RUFY4: variants seen among roughly 807,000 people sequenced by gnomAD.
RUFY4 encodes RUN and FYVE domain-containing protein 4.
In RUFY4, 73 loss-of-function variants were observed where a neutral mutation model predicts 69.0. That is an observed-to-expected ratio of 1.06 (90% CI 0.88 to 1.29). RUFY4 has a LOEUF of 1.29. Ranked by LOEUF, RUFY4 falls within the 50% of genes most tolerant of loss-of-function variation. The pLI is 0.00. For synonymous variants in RUFY4, 287 were observed against 271.8 expected (o/e 1.06, Z -0.55); for missense variants, 770 against 705.6 (o/e 1.09, Z -1.03).
chr2:218,084,920 C>T (rs1195627817), intron 9 of RUFY4, among the ~76,000 whole-genome samples: 1 of 152,030 alleles, frequency 6.6e-6, no homozygotes, highest in African/African-American at 2.4e-5. Context: ...TGTTAGCGGG[C>T]ACCTGTAATC....
At chr2:218,080,984 C>G (rs1689748371) in intron 8 of RUFY4, among the ~76,000 whole-genome samples, 1 of 152,246 alleles carries the variant, frequency 6.6e-6, no homozygotes, top group Admixed American at 6.5e-5. Flanking sequence ...ATTATATTAT[C>G]TGTCTCCTAA....
At chr2:218,089,641 A>C in intron 10 of RUFY4, 2 of 700,574 alleles carry the variant, frequency 2.9e-6, no homozygotes, top group Non-Finnish European at 5.2e-6. Flanking sequence ...GGAAGGGAGC[A>C]TCTGTACAGC....
At chr2:218,075,606 G>C in exon 7 of RUFY4, 1 of 1,523,896 alleles carries the variant, frequency 6.6e-7, no homozygotes, top group Non-Finnish European at 8.8e-7. Flanking sequence ...TAGCATCCTG[G>C]GGGAGCCCTG....
At chr2:218,060,526 G>A (rs1300136028) in intron 3 of RUFY4, 3 of 1,288,612 alleles carry the variant, frequency 2.3e-6, no homozygotes, top group Non-Finnish European at 3.4e-6. Flanking sequence ...CAGAATCTCA[G>A]TGGCATCCAG....
chr2:218,060,356 T>A lies in RUFY4; in HGVS notation c.-1071+1675T>A, dbSNP rs147586635. On this transcript the variant is annotated intron_variant and NMD_transcript_variant, in intron 3 of 13. Coordinates refer to the RUFY4 transcript ENST00000457754. ...AAGAGGTCTTAGAGAGTAGTGGAAG[T>A]GTGCCCTGAAGAAGAGCCAACAAAG... 3.3e-5 allele frequency: 51 copies of A among 1,541,074 alleles called. No homozygotes were observed. In the African/African-American group the frequency reaches 5.8e-4, roughly 17 times the overall value.
intron 2 of RUFY4, among the ~76,000 whole-genome samples, chr2:218,056,613 T>C (rs1156946015): frequency 6.6e-6 from 1 of 152,200 alleles, no homozygotes; most frequent in Non-Finnish European, 1.5e-5. Flanking sequence ...TGAAAATTGA[T>C]TACATAAATT....
chr2:218,048,592 T>C (rs1688880879), intron 2 of RUFY4, among the ~76,000 whole-genome samples: 1 of 152,186 alleles, frequency 6.6e-6, no homozygotes, highest in Non-Finnish European at 1.5e-5. Flanking sequence ...GATATTATGG[T>C]TTTTGTAAAG....
chr2:218,076,127 G>A (rs1689626236), intron 7 of RUFY4, among the ~76,000 whole-genome samples: 1 of 152,168 alleles, frequency 6.6e-6, no homozygotes, highest in East Asian at 1.9e-4. Flanking sequence ...TGCTCCTGTG[G>A]TGGATGCTTC....
chr2:218,061,201 T>C (rs1045218553), intron 3 of RUFY4: 64 of 393,976 alleles, frequency 1.6e-4, no homozygotes, highest in Admixed American at 1.2e-3. Flanking sequence ...CTGAATAAGA[T>C]GACCAGCATC....
chr2:218,047,627 A>G (rs992349665), intron 2 of RUFY4, among the ~76,000 whole-genome samples: 44 of 152,092 alleles, frequency 2.9e-4, no homozygotes, highest in African/African-American at 1.0e-3. Context: ...ACATGTATTA[A>G]TTAAAATTCT....
intron 2 of RUFY4, among the ~76,000 whole-genome samples, chr2:218,045,503 T>A (rs945806957): frequency 1.1e-4 from 16 of 152,058 alleles, no homozygotes; most frequent in African/African-American, 2.7e-4. Context: ...AGAAAAAAAA[T>A]TTCCCTAAAT....
At chr2:218,035,892 G>A (rs1051277346) in intron 2 of RUFY4, among the ~76,000 whole-genome samples, 2 of 152,212 alleles carry the variant, frequency 1.3e-5, no homozygotes, top group African/African-American at 4.8e-5. Flanking sequence ...AAAGATGAGT[G>A]GGTGTCTCGA....
intron 8 of RUFY4, 61 bp from the exon 11 acceptor site, chr2:218,083,049 T>G (rs1302539187): frequency 6.5e-7 from 1 of 1,527,910 alleles, no homozygotes; most frequent in Non-Finnish European, 8.8e-7. Context: ...AGGCTCAGCC[T>G]AGCTCAGGCA....
intron 3 of RUFY4, chr2:218,060,728 T>C (rs1689163714): frequency 1.4e-6 from 2 of 1,417,592 alleles, no homozygotes; most frequent in Admixed American, 1.7e-5. Flanking sequence ...AGGGTGAATC[T>C]GTAGCAGAAC....
exon 3 of RUFY4, chr2:218,072,437 A>G (rs753402570): frequency 2.0e-6 from 3 of 1,537,268 alleles, no homozygotes; most frequent in Non-Finnish European, 8.7e-7. Context: ...CTTTCTCTGC[A>G]CTGCCCTACG....
At chr2:218,066,932 T>C (rs987407350), upstream of RUFY4, among the ~76,000 whole-genome samples, 15 of 152,378 alleles carry the variant, frequency 9.8e-5, no homozygotes, top group South Asian at 4.1e-4. Context: ...ATTTCTAGAC[T>C]CTGAGAGCTG....
chr2:218,049,584 G>A (rs941052615), intron 2 of RUFY4, among the ~76,000 whole-genome samples: 10 of 151,242 alleles, frequency 6.6e-5, no homozygotes, highest in Middle Eastern at 3.4e-3. Context: ...TCAGCTCACC[G>A]CAGCCTCTGC....
intron 2 of RUFY4, 113 bp from the exon 5 acceptor site, chr2:218,072,261 G>A (rs1689506098): frequency 1.5e-6 from 2 of 1,313,948 alleles, no homozygotes; most frequent in African/African-American, 1.5e-5. Context: ...TGGATGCCGG[G>A]TGTGTCTGCA....
intron 2 of RUFY4, among the ~76,000 whole-genome samples, chr2:218,048,980 A>G (rs1369448921): frequency 6.6e-6 from 1 of 152,204 alleles, no homozygotes; most frequent in Non-Finnish European, 1.5e-5. Flanking sequence ...AGTTCTTTGT[A>G]ATATTTAATC....
Sources: allele counts gnomAD v4.1 joint callset (sites outside exome capture counted in the v4.1 genomes callset), GRCh38; gene constraint gnomAD v4.1.1; transcripts MANE v1.5; gene names NCBI Gene and HGNC (gene_info 2026-07-23, HGNC 2026-07-21).